DDAH1: variants seen among roughly 807,000 people sequenced by gnomAD.
DDAH1 encodes dimethylarginine dimethylaminohydrolase 1.
A neutral mutation model predicts 28.8 loss-of-function variants in DDAH1; 19 were observed. That is an observed-to-expected ratio of 0.66 (90% CI 0.46 to 0.97). DDAH1 has a LOEUF of 0.97. Ranked by LOEUF, DDAH1 falls within the 50% of genes least tolerant of loss-of-function variation. DDAH1 has a pLI of 0.00. For missense variants in DDAH1, 326 were observed against 375.9 expected (o/e 0.87, Z 1.10); for synonymous variants, 153 against 154.4 (o/e 0.99, Z 0.07).
intron 1 of DDAH1, among the ~76,000 whole-genome samples, chr1:85,525,513 CACTTA>C (rs1480765770): frequency 9.2e-5 from 14 of 151,764 alleles, no homozygotes; most frequent in Non-Finnish European, 1.5e-4. Context: ...TTTACCACAT[CACTTA>C]ACTTCTAAGT....
chr1:85,469,199 A>T (rs1316579123), upstream of DDAH1, among the ~76,000 whole-genome samples: 4 of 152,200 alleles, frequency 2.6e-5, no homozygotes, highest in African/African-American at 9.6e-5. Flanking sequence ...AAAAGAAAAC[A>T]TGAGGTTGGG....
At chr1:85,498,779 G>A (rs747168954) in intron 1 of DDAH1, among the ~76,000 whole-genome samples, 27 of 152,024 alleles carry the variant, frequency 1.8e-4, no homozygotes, top group African/African-American at 6.0e-4. Context: ...AAAATTAGCC[G>A]GAGGTAGTGG....
intron 3 of DDAH1, 74 bp downstream of exon 3, chr1:85,351,432 A>AC: frequency 1.7e-6 from 2 of 1,166,822 alleles, no homozygotes; most frequent in South Asian, 1.2e-5. Context: ...ATTACTCATG[A>AC]CATTGATTCA....
chr1:85,408,656 G>A (rs1457204872), intron 1 of DDAH1, among the ~76,000 whole-genome samples: 4 of 152,136 alleles, frequency 2.6e-5, no homozygotes, highest in Non-Finnish European at 5.9e-5. Context: ...AAATACAGCT[G>A]TTCTTCCAGA....
At chr1:85,559,591 A>G (rs181397972) in intron 1 of DDAH1, among the ~76,000 whole-genome samples, 94 of 152,300 alleles carry the variant, frequency 6.2e-4, no homozygotes, top group African/African-American at 2.2e-3. Flanking sequence ...ATAGCTATGT[A>G]CTAGTATTTA....
chr1:85,380,825 A>G (rs913335815), intron 1 of DDAH1, among the ~76,000 whole-genome samples: 25 of 152,286 alleles, frequency 1.6e-4, no homozygotes, highest in African/African-American at 5.5e-4. Context: ...TCTTAGACTT[A>G]TGTGTGTGTG....
chr1:85,360,938 C>A lies in DDAH1; in HGVS notation c.304-2091G>T, dbSNP rs74098805. 6.1e-3 allele frequency among the ~76,000 whole-genome samples: 923 copies of A among 152,254 alleles called. 9 individuals are homozygous for A. Among genetic ancestry groups the A allele is most frequent in the African/African-American group, 0.021 (889 of 41,536 alleles). On this transcript the variant is annotated intron_variant, in intron 1 of 5. Transcript: ENST00000284031. The stretch of plus-strand genomic sequence containing the variant: ...TTAAAAAAATTCAATCACATCTATA[C>A]AAACAGTCATCAGGATAGGTCCATA...
chr1:85,412,827 C>G (rs1652720475), intron 1 of DDAH1, among the ~76,000 whole-genome samples: 2 of 152,152 alleles, frequency 1.3e-5, no homozygotes, highest in South Asian at 4.1e-4. Context: ...ATGGCAAGAC[C>G]TTGTCTCTAC....
intron 4 of DDAH1, among the ~76,000 whole-genome samples, chr1:85,344,033 G>A (rs1648678731): frequency 6.6e-6 from 1 of 152,180 alleles, no homozygotes; most frequent in South Asian, 2.1e-4. Flanking sequence ...TCAGGAAGTA[G>A]ATAAGAAACC....
intron 1 of DDAH1, among the ~76,000 whole-genome samples, chr1:85,561,379 T>G (rs1659136675): frequency 6.6e-6 from 1 of 152,008 alleles, no homozygotes; most frequent in African/African-American, 2.4e-5. Context: ...AAAATACAGA[T>G]GTTGTAAAAA....
At chr1:85,416,865 G>A (rs567157976) in intron 1 of DDAH1, among the ~76,000 whole-genome samples, 27 of 151,440 alleles carry the variant, frequency 1.8e-4, no homozygotes, top group Non-Finnish European at 1.2e-4. Context: ...ACGGGGTTTC[G>A]CCATGTTGCC....
intron 4 of DDAH1, among the ~76,000 whole-genome samples, chr1:85,346,089 A>G (rs1648824760): frequency 6.6e-6 from 1 of 152,250 alleles, no homozygotes; most frequent in Non-Finnish European, 1.5e-5. Flanking sequence ...ATGCAATAAA[A>G]CTACCCAGAA....
At chr1:85,510,768 G>T (rs963555647) in intron 1 of DDAH1, among the ~76,000 whole-genome samples, 2 of 152,154 alleles carry the variant, frequency 1.3e-5, no homozygotes, top group Admixed American at 6.5e-5. Flanking sequence ...ATTACATAAT[G>T]GTAAAGGGAT....
At chr1:85,443,562 AG>A (rs1031489079) in intron 1 of DDAH1, among the ~76,000 whole-genome samples, 3 of 152,328 alleles carry the variant, frequency 2.0e-5, no homozygotes, top group South Asian at 2.1e-4. Flanking sequence ...AATTCTCTGA[AG>A]AAAGTCATTG....
intron 1 of DDAH1, chr1:85,399,554 T>C (rs1260080600): frequency 1.3e-5 from 2 of 152,224 alleles, no homozygotes; most frequent in Non-Finnish European, 2.9e-5. Flanking sequence ...CCCAACAGAT[T>C]TGACTAAAAA....
intron 1 of DDAH1, among the ~76,000 whole-genome samples, chr1:85,537,093 C>T (rs189885072): frequency 2.0e-5 from 3 of 151,386 alleles, no homozygotes; most frequent in Admixed American, 1.3e-4. Context: ...GTAATCTCAA[C>T]ACTTTGGGAG....
chr1:85,527,522 GA>G (rs1657916126), intron 1 of DDAH1, among the ~76,000 whole-genome samples: 1 of 152,202 alleles, frequency 6.6e-6, no homozygotes, highest in South Asian at 2.1e-4. Flanking sequence ...GAGAGAGATG[GA>G]GGAAGAAATC....
chr1:85,450,502 C>T (rs1279989572), intron 1 of DDAH1, among the ~76,000 whole-genome samples: 3 of 152,048 alleles, frequency 2.0e-5, no homozygotes, highest in Non-Finnish European at 1.5e-5. Context: ...CTAGTCAATC[C>T]GATATATCAT....
chr1:85,533,363 G>A (rs1260812107), intron 1 of DDAH1, among the ~76,000 whole-genome samples: 1 of 151,896 alleles, frequency 6.6e-6, no homozygotes, highest in African/African-American at 2.4e-5. Flanking sequence ...TTGAGATGGG[G>A]TCTCACTATA....
Sources: allele counts gnomAD v4.1 joint callset (sites outside exome capture counted in the v4.1 genomes callset), GRCh38; gene constraint gnomAD v4.1.1; transcripts MANE v1.5; gene names NCBI Gene and HGNC (gene_info 2026-07-23, HGNC 2026-07-21).